Variants in POTEC observed in about 807,000 individuals in gnomAD.
The protein encoded by POTEC is POTE ankyrin domain family member C.
Under a neutral mutation model 62.0 loss-of-function variants are expected in POTEC, and 35 were observed. That is an observed-to-expected ratio of 0.56 (90% confidence interval 0.43 to 0.75). POTEC has a LOEUF of 0.75. POTEC is among the 30% of genes least tolerant of loss of function. The pLI, the probability that POTEC is intolerant of heterozygous loss-of-function variation, is 0.00. For missense variants in POTEC, 472 were observed against 655.9 expected, an observed-to-expected ratio of 0.72 and a Z score of 3.06; for synonymous variants, 156 against 221.5, an observed-to-expected ratio of 0.70 and a Z score of 2.62.
At position 14,512,045 on chromosome 18, in the gene POTEC, T is replaced by C. The variant is rs1011247604; in HGVS notation, c.1534-52A>G. On this transcript the variant is annotated intron_variant, in intron 10 of 10. Transcript: ENST00000358970. ...TAGCACTCAATAGAATGACATATCA[T>C]GATTTCTTCTAAAATTAAAGAATGA... 8 of 1,342,970 alleles carry C rather than the reference T, an allele frequency of 6.0e-6. No homozygotes were observed. The East Asian group carries it at 1.4e-4, about 24-fold the overall frequency. The allele number at this position is 1,342,970 out of a possible 1,614,324, so 83.2% of individuals were successfully genotyped here.
At chr18:14,529,040 C>T (rs757296343) in intron 6 of POTEC, 5 of 454,246 alleles carry the variant, frequency 1.1e-5, no homozygotes, top group South Asian at 6.2e-5. Flanking sequence ...TCTTCTGCTT[C>T]TTTACCTAGA....
At chr18:14,517,132 C>T (rs1910187625) in intron 9 of POTEC, among the ~76,000 whole-genome samples, 1 of 149,140 alleles carries the variant, frequency 6.7e-6, no homozygotes, top group South Asian at 2.2e-4. Context: ...TGTTATTAAC[C>T]AATTCACCTT....
At chr18:14,526,783 T>A (rs1468510320) in intron 6 of POTEC, among the ~76,000 whole-genome samples, 1 of 152,158 alleles carries the variant, frequency 6.6e-6, no homozygotes, top group African/African-American at 2.4e-5. Context: ...TTATGTGTAC[T>A]TTTAAGATGC....
intron 6 of POTEC, among the ~76,000 whole-genome samples, chr18:14,530,192 T>C (rs1335480871): frequency 1.3e-5 from 2 of 151,906 alleles, no homozygotes; most frequent in Non-Finnish European, 2.9e-5. Context: ...TAATGCCTGA[T>C]GATATGTCAC....
chr18:14,529,986 C>A (rs1278050778), intron 6 of POTEC, among the ~76,000 whole-genome samples: 1 of 152,012 alleles, frequency 6.6e-6, no homozygotes, highest in Non-Finnish European at 1.5e-5. Context: ...ATGAACCACA[C>A]CACACAGGAG....
At chr18:14,523,439 A>C in intron 8 of POTEC, 24 bp downstream of exon 8, 1 of 1,554,358 alleles carries the variant, frequency 6.4e-7, no homozygotes, top group Non-Finnish European at 8.7e-7. Flanking sequence ...AATTCAACAG[A>C]AACATTTGAA....
Position 14,508,881 on chromosome 18 carries a change from T to C in POTEC, c.*3017A>G, listed in dbSNP as rs1039457197. The C allele has an allele frequency of 3.3e-5, 5 of 152,236 alleles. No homozygotes were observed. Among genetic ancestry groups the C allele is most frequent in the African/African-American group, 9.6e-5 (4 of 41,454 alleles). The allele number at this position is 152,236 out of a possible 1,614,324, so 9.4% of individuals were successfully genotyped here. A position where few individuals can be genotyped will look rare whatever the true frequency, so the allele number is the denominator to read the frequency against. On this transcript the variant is annotated 3_prime_UTR_variant, in exon 11 of 11. Coordinates refer to ENST00000358970, the MANE Select transcript of POTEC (RefSeq NM_001137671.2). ...GCTTATCCATCTTCAATCTTTGAGG[T>C]TGCTGACCTTTGGACAGGGTATTTT...
intron 10 of POTEC, 42 bp downstream of exon 10, chr18:14,513,620 T>C (rs1485136499): frequency 1.3e-6 from 2 of 1,594,054 alleles, no homozygotes; most frequent in South Asian, 1.1e-5. Flanking sequence ...TTTAAAAATA[T>C]ATACACATAT....
In POTEC at chr18:14,513,578, A is replaced by T. The variant is rs1316528634; in HGVS notation, c.1533+84T>A. 2.6e-6 allele frequency: 4 copies of T among 1,511,102 alleles called. No individual in the cohort carries two copies. The African/African-American group carries it at 4.2e-5, about 16-fold the overall frequency. The allele number at this position is 1,511,102 out of a possible 1,614,324, so 93.6% of individuals were successfully genotyped here. A position where few individuals can be genotyped will look rare whatever the true frequency, so the allele number is the denominator to read the frequency against. ...ACACACGTGTGTATATATGTGATTT[A>T]AAAATCCTTTATACCTTCCAAAATA... On this transcript the variant is annotated intron_variant, in intron 10 of 10. Transcript: ENST00000358970.
At chr18:14,540,495 C>T (rs1487358902) in intron 1 of POTEC, among the ~76,000 whole-genome samples, 1 of 152,092 alleles carries the variant, frequency 6.6e-6, no homozygotes, top group African/African-American at 2.4e-5. Flanking sequence ...GTATAACAAA[C>T]TGATTTTTTC....
intron 4 of POTEC, among the ~76,000 whole-genome samples, chr18:14,534,270 G>A (rs1339747706): frequency 1.3e-5 from 2 of 150,944 alleles, no homozygotes; most frequent in Non-Finnish European, 2.9e-5. Flanking sequence ...CTTCATTAAA[G>A]GAAAAGTGTA....
chr18:14,529,010 T>C (rs1248337172), intron 6 of POTEC: 3 of 454,382 alleles, frequency 6.6e-6, no homozygotes, highest in Admixed American at 4.7e-5. Context: ...TTGTTGCATG[T>C]TCCTTCTGCC....
intron 9 of POTEC, among the ~76,000 whole-genome samples, chr18:14,514,283 C>CCG (rs1006053169): frequency 6.6e-6 from 1 of 151,678 alleles, no homozygotes; most frequent in African/African-American, 2.4e-5. Flanking sequence ...TCTAATGTCA[C>CCG]CGCTGATCTG....
intron 7 of POTEC, among the ~76,000 whole-genome samples, chr18:14,524,660 T>C (rs1355209386): frequency 1.3e-5 from 2 of 152,066 alleles, no homozygotes; most frequent in Non-Finnish European, 1.5e-5. Flanking sequence ...AATAAGAGTA[T>C]TTTAAATTTT....
chr18:14,543,382 G>A lies in POTEC; in HGVS notation c.-236C>T. ...GGACCCAACGCCCACCCCAGGAAAGGCCAAGCCCCCCCTCCCAAGGAAACA... is the reference window on the plus strand; with the variant it reads ...GGACCCAACGCCCACCCCAGGAAAGACCAAGCCCCCCCTCCCAAGGAAACA... On this transcript the variant is annotated 5_prime_UTR_variant, in exon 1 of 11. Coordinates refer to ENST00000358970, the MANE Select transcript of POTEC (RefSeq NM_001137671.2). 4.5e-6 allele frequency: 3 copies of A among 672,300 alleles called. No individual in the cohort carries two copies. Among genetic ancestry groups the A allele is most frequent in the Non-Finnish European group, 5.0e-6 (2 of 397,440 alleles). 41.6% of individuals were successfully genotyped at this position (672,300 alleles called of 1,614,324 possible).
At chr18:14,532,486 T>C (rs997335698) in intron 5 of POTEC, among the ~76,000 whole-genome samples, 5 of 152,146 alleles carry the variant, frequency 3.3e-5, no homozygotes, top group Non-Finnish European at 7.4e-5. Flanking sequence ...TAAGGGCATC[T>C]TGGTGTCAAA....
chr18:14,525,089 A>C, intron 6 of POTEC, 106 bp from the exon 7 acceptor site: 2 of 1,502,648 alleles, frequency 1.3e-6, no homozygotes, highest in Non-Finnish European at 1.8e-6. Flanking sequence ...TTATTTCATA[A>C]ATTGAGTGTT....
At position 14,543,082 on chromosome 18, in the gene POTEC, C is replaced by T. The variant is rs1906014442; in HGVS notation, c.65G>A (p.Ser22Asn). Residue 22 changes from serine (S) to asparagine (N), a missense_variant, in exon 1 of 11, where the codon AGC (serine) becomes AAC (asparagine). Ser to Asn is a conservative substitution (Grantham distance 46, BLOSUM62 1). Coordinates refer to ENST00000358970, the MANE Select transcript of POTEC (RefSeq NM_001137671.2). The part of the protein sequence containing the change: ...SAVKKPFDLR[S>N]KMGKWFHHRF... Reference sequence around the variant, plus strand: ...GTGGTGAAACCACTTGCCCATCTTGCTCCTGAGATCGAATGGCTTCTTCAC... The same window carrying T: ...GTGGTGAAACCACTTGCCCATCTTGTTCCTGAGATCGAATGGCTTCTTCAC... 1.9e-6 allele frequency: 3 copies of T among 1,613,990 alleles called. No homozygotes were observed. The highest frequency in any genetic ancestry group is 2.5e-6 in the Non-Finnish European group (3 of 1,179,892).
intron 3 of POTEC, among the ~76,000 whole-genome samples, chr18:14,535,719 G>A (rs551017960): frequency 9.2e-5 from 14 of 151,956 alleles, no homozygotes; most frequent in African/African-American, 3.4e-4. Flanking sequence ...GAAAAAAAAG[G>A]TTTAGAATTT....
Sources: allele counts gnomAD v4.1 joint callset (sites outside exome capture counted in the v4.1 genomes callset), GRCh38; gene constraint gnomAD v4.1.1; transcripts MANE v1.5; gene names NCBI Gene and HGNC (gene_info 2026-07-23, HGNC 2026-07-21).